Variants in MTMR7 observed in about 807,000 individuals in gnomAD.
The protein encoded by MTMR7 is myotubularin related protein 7, also known as phosphatidylinositol-3-phosphate phosphatase MTMR7.
A neutral mutation model predicts 81.2 loss-of-function variants in MTMR7; 76 were observed. The ratio of observed to expected loss-of-function variants is 0.94; its 90% CI spans 0.78 to 1.13. The LOEUF (loss-of-function observed/expected upper bound fraction) is 1.13. Among genes scored for constraint, MTMR7 ranks in the 50% most tolerant of loss-of-function variants. MTMR7 has a pLI of 0.00. For synonymous variants in MTMR7, 372 were observed against 289.8 expected, an observed-to-expected ratio of 1.28 and a Z score of -2.88; for missense variants, 1,044 against 820.0, an observed-to-expected ratio of 1.27 and a Z score of -3.34.
chr8:17,406,021 T>A (rs1439381864), intron 1 of MTMR7, among the ~76,000 whole-genome samples: 2 of 152,218 alleles, frequency 1.3e-5, no homozygotes, highest in Non-Finnish European at 2.9e-5. Context: ...TATGCAAAAT[T>A]ACTATTTTCT....
chr8:17,338,003 C>T (rs1002060702), intron 6 of MTMR7, among the ~76,000 whole-genome samples: 1 of 152,162 alleles, frequency 6.6e-6, no homozygotes, highest in Non-Finnish European at 1.5e-5. Flanking sequence ...GAAGTGCCTG[C>T]TTGCCAGGGT....
intron 1 of MTMR7, among the ~76,000 whole-genome samples, chr8:17,389,827 G>A (rs1044537859): frequency 4.6e-5 from 7 of 151,952 alleles, no homozygotes; most frequent in African/African-American, 1.7e-4. Context: ...GGAGAATACT[G>A]GAGGAGAAAA....
intron 4 of MTMR7, among the ~76,000 whole-genome samples, chr8:17,354,693 AATAAG>A (rs1819832371): frequency 1.3e-5 from 2 of 152,206 alleles, no homozygotes; most frequent in African/African-American, 2.4e-5. Flanking sequence ...TGTGAGAAGA[AATAAG>A]ATAAGTTGTC....
intron 4 of MTMR7, 81 bp from the exon 5 acceptor site, chr8:17,349,162 C>A: frequency 6.6e-7 from 1 of 1,516,156 alleles, no homozygotes; most frequent in Non-Finnish European, 9.1e-7. Context: ...CACTTCACCA[C>A]GCTTACAGGT....
chr8:17,383,173 G>T (rs1193222919), intron 1 of MTMR7, among the ~76,000 whole-genome samples: 1 of 152,252 alleles, frequency 6.6e-6, no homozygotes, highest in Middle Eastern at 3.4e-3. Flanking sequence ...CCTTTAAACA[G>T]TGCCCACCCT....
intron 1 of MTMR7, among the ~76,000 whole-genome samples, chr8:17,396,342 C>G (rs560830330): frequency 5.3e-5 from 8 of 152,308 alleles, no homozygotes; most frequent in Admixed American, 4.6e-4. Flanking sequence ...CAAAGACAGT[C>G]TTGAATTGCC....
At chr8:17,364,098 C>T (rs10088362) in intron 3 of MTMR7, among the ~76,000 whole-genome samples, 4,242 of 138,306 alleles carry the variant, frequency 0.031, 224 homozygotes, top group African/African-American at 0.11. Context: ...GGCGCGATCT[C>T]GGCTCACTGC....
intron 1 of MTMR7, among the ~76,000 whole-genome samples, chr8:17,390,568 G>C (rs1027310578): frequency 4.6e-5 from 7 of 152,082 alleles, no homozygotes; most frequent in African/African-American, 1.4e-4. Context: ...TGAGTGAGGA[G>C]GGCCAGCAGG....
intron 4 of MTMR7, among the ~76,000 whole-genome samples, chr8:17,355,317 G>C (rs570030455): frequency 6.6e-6 from 1 of 152,234 alleles, no homozygotes; most frequent in Non-Finnish European, 1.5e-5. Context: ...ACATGAGTCA[G>C]ATACTTTATA....
intron 4 of MTMR7, among the ~76,000 whole-genome samples, chr8:17,352,430 A>C (rs1489574358): frequency 1.3e-5 from 2 of 152,228 alleles, no homozygotes; most frequent in Non-Finnish European, 2.9e-5. Flanking sequence ...CATATCTTGT[A>C]CTATATAAAA....
intron 1 of MTMR7, among the ~76,000 whole-genome samples, chr8:17,377,225 A>AT (rs1820617394): frequency 6.6e-6 from 1 of 152,148 alleles, no homozygotes; most frequent in Non-Finnish European, 1.5e-5. Context: ...TTACACAGAA[A>AT]TCTTTAGTAA....
At chr8:17,392,234 T>G (rs753708961) in intron 1 of MTMR7, among the ~76,000 whole-genome samples, 1 of 152,184 alleles carries the variant, frequency 6.6e-6, no homozygotes, top group South Asian at 2.1e-4. Flanking sequence ...GCATTCCAAA[T>G]GCTGTTTTTC....
At chr8:17,384,827 T>G (rs1464878991) in intron 1 of MTMR7, among the ~76,000 whole-genome samples, 1 of 152,222 alleles carries the variant, frequency 6.6e-6, no homozygotes, top group Non-Finnish European at 1.5e-5. Flanking sequence ...AAAGGAGTAT[T>G]TAATCTTTCT....
chr8:17,310,918 A>G (rs1381870026), intron 9 of MTMR7, among the ~76,000 whole-genome samples: 1 of 152,142 alleles, frequency 6.6e-6, no homozygotes, highest in African/African-American at 2.4e-5. Flanking sequence ...ACTATATACA[A>G]TACTCTGTAG....
intron 1 of MTMR7, among the ~76,000 whole-genome samples, chr8:17,391,179 G>A (rs1020245007): frequency 9.2e-5 from 14 of 152,104 alleles, no homozygotes; most frequent in African/African-American, 3.4e-4. Context: ...ACAAGTAGGA[G>A]ATGAGGTGCC....
intron 1 of MTMR7, among the ~76,000 whole-genome samples, chr8:17,376,602 T>G (rs887169523): frequency 4.6e-4 from 70 of 152,194 alleles, no homozygotes; most frequent in African/African-American, 1.7e-3. Context: ...TAACACTTAT[T>G]ATAATCTCTT....
At chr8:17,384,586 G>C (rs1054254058) in intron 1 of MTMR7, among the ~76,000 whole-genome samples, 2 of 152,118 alleles carry the variant, frequency 1.3e-5, no homozygotes, top group Non-Finnish European at 2.9e-5. Context: ...AAAGTACTCT[G>C]ACATACAAGA....
intron 3 of MTMR7, among the ~76,000 whole-genome samples, chr8:17,361,954 C>T (rs1239995999): frequency 6.6e-6 from 1 of 152,142 alleles, no homozygotes; most frequent in Non-Finnish European, 1.5e-5. Context: ...GTCGTGTTAT[C>T]TCTGTCTTTA....
intron 3 of MTMR7, among the ~76,000 whole-genome samples, chr8:17,370,565 A>C (rs1379637071): frequency 1.3e-5 from 2 of 150,542 alleles, no homozygotes; most frequent in Non-Finnish European, 1.5e-5. Flanking sequence ...AAAAAAAAAA[A>C]AAAAAAAAAA....
Sources: allele counts gnomAD v4.1 joint callset (sites outside exome capture counted in the v4.1 genomes callset), GRCh38; gene constraint gnomAD v4.1.1; transcripts MANE v1.5; gene names NCBI Gene and HGNC (gene_info 2026-07-23, HGNC 2026-07-21).